SPIDR: variants seen among roughly 807,000 people sequenced by gnomAD.
SPIDR encodes the protein scaffold protein involved in DNA repair, also known as DNA repair-scaffolding protein.
A neutral mutation model predicts 104.6 loss-of-function variants in SPIDR; 93 were observed. That is an observed-to-expected ratio of 0.89 (90% CI 0.75 to 1.06). SPIDR has a LOEUF of 1.06. Among genes scored for constraint, SPIDR ranks in the 50% least tolerant of loss-of-function variants. SPIDR has a pLI of 0.00. For missense variants in SPIDR, 1,154 were observed against 1,111.2 expected (o/e 1.04, Z -0.55); for synonymous variants, 431 against 416.9 (o/e 1.03, Z -0.41).
chr8:47,414,341 A>AT (rs1435939892), intron 7 of SPIDR, among the ~76,000 whole-genome samples: 1 of 152,236 alleles, frequency 6.6e-6, no homozygotes, highest in African/African-American at 2.4e-5. Context: ...GTGGTCCAGA[A>AT]TGAAGGGAGA....
At chr8:47,636,959 G>A (rs2068018946) in intron 10 of SPIDR, among the ~76,000 whole-genome samples, 1 of 152,068 alleles carries the variant, frequency 6.6e-6, no homozygotes, top group Non-Finnish European at 1.5e-5. Context: ...CAGGAGCCTT[G>A]GCAGGAGGGT....
At chr8:47,632,326 G>A (rs564335277) in intron 10 of SPIDR, among the ~76,000 whole-genome samples, 1 of 152,176 alleles carries the variant, frequency 6.6e-6, no homozygotes, top group Admixed American at 6.5e-5. Flanking sequence ...GGCTAGGCTT[G>A]GCAAAATGCA....
intron 10 of SPIDR, among the ~76,000 whole-genome samples, chr8:47,635,436 G>A (rs1195478515): frequency 1.3e-5 from 2 of 152,220 alleles, no homozygotes; most frequent in African/African-American, 2.4e-5. Context: ...ACCCTGATGT[G>A]ATTAAGTGTT....
chr8:47,347,763 G>T (rs1238545549), intron 5 of SPIDR, among the ~76,000 whole-genome samples: 1 of 152,066 alleles, frequency 6.6e-6, no homozygotes, highest in Non-Finnish European at 1.5e-5. Flanking sequence ...GACTAGGATT[G>T]CAACCCCTGC....
intron 7 of SPIDR, among the ~76,000 whole-genome samples, chr8:47,426,414 T>C (rs1563942187): frequency 1.3e-5 from 2 of 152,348 alleles, no homozygotes; most frequent in African/African-American, 4.8e-5. Context: ...TATCTTTTTT[T>C]TTTTTACTTT....
intron 4 of SPIDR, among the ~76,000 whole-genome samples, 189 bp downstream of exon 4, chr8:47,291,326 G>A (rs958362706): frequency 3.9e-4 from 59 of 152,246 alleles, no homozygotes; most frequent in Admixed American, 1.1e-3. Flanking sequence ...TATCAGAATG[G>A]CTACAATAAA....
At chr8:47,470,804 G>A (rs561533341) in intron 8 of SPIDR, among the ~76,000 whole-genome samples, 44 of 151,726 alleles carry the variant, frequency 2.9e-4, no homozygotes, top group Middle Eastern at 3.4e-3. Flanking sequence ...GCGTGATCTC[G>A]GCTCACTGCA....
intron 8 of SPIDR, chr8:47,511,455 C>T (rs1013222890): frequency 1.3e-6 from 1 of 782,328 alleles, no homozygotes; most frequent in Non-Finnish European, 2.3e-6. Context: ...CCAAGTTCGC[C>T]TGTCCACTGT....
intron 8 of SPIDR, among the ~76,000 whole-genome samples, chr8:47,542,949 CT>C (rs1421609491): frequency 6.6e-6 from 1 of 152,146 alleles, no homozygotes; most frequent in Non-Finnish European, 1.5e-5. Context: ...AGTTTGTAAC[CT>C]TTTGAAATTG....
At chr8:47,401,205 T>G (rs1357644559) in intron 6 of SPIDR, among the ~76,000 whole-genome samples, 1 of 152,118 alleles carries the variant, frequency 6.6e-6, no homozygotes, top group African/African-American at 2.4e-5. Flanking sequence ...AGAAAAGAAT[T>G]TTCAACCCAG....
chr8:47,377,292 C>T lies in SPIDR; in HGVS notation c.526-19084C>T, dbSNP rs138215428. On this transcript the variant is annotated intron_variant, in intron 5 of 19. Transcript: ENST00000297423. ...GAAATGTGATAAAATTAATACAATC[C>T]GATAAACTTTGTGTGTTTGGGGTCC... is the stretch of plus-strand genomic sequence containing the variant. Among the ~76,000 whole-genome samples the T allele has an allele frequency of 7.6e-4, 116 of 152,280 alleles. 1 individual carries two copies. Among genetic ancestry groups the T allele is most frequent in the Non-Finnish European group, 1.4e-3 (93 of 68,022 alleles).
At chr8:47,577,393 G>T (rs1315650073) in intron 8 of SPIDR, among the ~76,000 whole-genome samples, 1 of 152,226 alleles carries the variant, frequency 6.6e-6, no homozygotes, top group Non-Finnish European at 1.5e-5. Context: ...CCTGAGAGTT[G>T]AGTAGCTGTT....
intron 1 of SPIDR, among the ~76,000 whole-genome samples, chr8:47,267,750 C>T (rs1228790364): frequency 6.6e-6 from 1 of 152,130 alleles, no homozygotes; most frequent in Non-Finnish European, 1.5e-5. Context: ...ATACTGTTCC[C>T]CTATAAGATG....
At chr8:47,425,855 T>C (rs1453481883) in intron 7 of SPIDR, among the ~76,000 whole-genome samples, 1 of 152,154 alleles carries the variant, frequency 6.6e-6, no homozygotes, top group East Asian at 1.9e-4. Flanking sequence ...TATTGAATTA[T>C]CATTTTGTAT....
intron 16 of SPIDR, among the ~76,000 whole-genome samples, chr8:47,717,215 A>G (rs940040884): frequency 1.3e-5 from 2 of 152,150 alleles, no homozygotes; most frequent in Admixed American, 6.5e-5. Context: ...CTCCAGGCTC[A>G]TGTATAAGGA....
At chr8:47,558,805 A>G (rs1055677940) in intron 8 of SPIDR, among the ~76,000 whole-genome samples, 2 of 151,908 alleles carry the variant, frequency 1.3e-5, no homozygotes, top group African/African-American at 4.8e-5. Context: ...ACGCCCAGCT[A>G]ATTTTTTTGT....
At chr8:47,380,594 G>A (rs1224934352) in intron 5 of SPIDR, among the ~76,000 whole-genome samples, 4 of 152,010 alleles carry the variant, frequency 2.6e-5, no homozygotes, top group Non-Finnish European at 4.4e-5. Flanking sequence ...GGGCTCCTCA[G>A]AGCAGGTGCC....
At chr8:47,591,055 G>A (rs1414225802) in intron 8 of SPIDR, among the ~76,000 whole-genome samples, 1 of 151,422 alleles carries the variant, frequency 6.6e-6, no homozygotes, top group Non-Finnish European at 1.5e-5. Context: ...TGAGTTTCTT[G>A]TAGACGGCAT....
chr8:47,495,097 T>A (rs1429373456), intron 8 of SPIDR, among the ~76,000 whole-genome samples: 2 of 152,176 alleles, frequency 1.3e-5, no homozygotes, highest in African/African-American at 4.8e-5. Flanking sequence ...TTATCTTGTA[T>A]GTGTATTGCA....
Sources: allele counts gnomAD v4.1 joint callset (sites outside exome capture counted in the v4.1 genomes callset), GRCh38; gene constraint gnomAD v4.1.1; transcripts MANE v1.5; gene names NCBI Gene and HGNC (gene_info 2026-07-23, HGNC 2026-07-21).